Variants in HSPA4L observed in about 807,000 individuals in gnomAD.
HSPA4L encodes the protein heat shock protein family A (Hsp70) member 4 like, also known as heat shock 70 kDa protein 4L.
HSPA4L carries 48 observed loss-of-function variants against 100.3 expected under a neutral mutation model. The observed-to-expected ratio is 0.48, with a 90% CI of 0.38 to 0.61. HSPA4L has a LOEUF of 0.61. Ranked by LOEUF, HSPA4L falls within the 20% of genes least tolerant of loss-of-function variation. HSPA4L has a pLI of 0.00. For missense variants in HSPA4L, 886 were observed against 988.6 expected, an observed-to-expected ratio of 0.90 and a Z score of 1.39; for synonymous variants, 319 against 328.2, an observed-to-expected ratio of 0.97 and a Z score of 0.30.
At chr4:127,798,497 G>A (rs904869718) in intron 3 of HSPA4L, 90 bp from the exon 4 acceptor site, 16 of 1,260,946 alleles carry the variant, frequency 1.3e-5, no homozygotes, top group Admixed American at 2.1e-5. Flanking sequence ...TTTTCCCATT[G>A]TATGTCTATC....
Position 127,830,645 on chromosome 4 carries a change from G to C in HSPA4L, c.2174G>C (p.Arg725Thr). The change falls in exon 18 of 19, where the codon AGA becomes ACA. Residue 725 changes from arginine to threonine, a missense_variant. Coordinates refer to ENST00000296464, the MANE Select transcript of HSPA4L (RefSeq NM_014278.4). ...VIEAYRNKDE[R>T]YDHLDPTEME... ...CTTTTTTTTTTTAAATAGGATGAAA[G>C]ATATGATCATCTGGATCCTACTGAA... 1 of 1,576,704 alleles carries C rather than the reference G, an allele frequency of 6.3e-7. No homozygotes were observed. Among genetic ancestry groups the C allele is most frequent in the Non-Finnish European group, 8.6e-7 (1 of 1,167,852 alleles).
intron 1 of HSPA4L, among the ~76,000 whole-genome samples, chr4:127,792,065 T>C (rs1236246349): frequency 6.6e-6 from 1 of 152,186 alleles, no homozygotes; most frequent in Non-Finnish European, 1.5e-5. Flanking sequence ...AGCAGAACAG[T>C]GTTTTGTTCA....
In HSPA4L at chr4:127,805,639, T is replaced by C. The variant is rs1156382828; in HGVS notation, c.1138-48T>C. Reference sequence around the variant, plus strand: ...GCAGTTCAATCAGAGTAACCTAGGGTATGTTTTGTATTTGTTGATTTAAAT... The same window carrying C: ...GCAGTTCAATCAGAGTAACCTAGGGCATGTTTTGTATTTGTTGATTTAAAT... On this transcript the variant is annotated intron_variant, in intron 9 of 18. Transcript: ENST00000296464. 6 of 1,334,378 alleles carry C rather than the reference T, an allele frequency of 4.5e-6. No individual in the cohort carries two copies. In the Admixed American group the frequency reaches 1.0e-4, roughly 23 times the overall value. The allele number at this position is 1,334,378 out of a possible 1,614,324, so 82.7% of individuals were successfully genotyped here.
At chr4:127,782,793 G>C in intron 1 of HSPA4L, 136 bp downstream of exon 1, 1 of 622,356 alleles carries the variant, frequency 1.6e-6, no homozygotes, top group South Asian at 2.1e-5. Flanking sequence ...GGTGCAACCC[G>C]TCAACCGCAG....
At chr4:127,814,078 C>T (rs1004722281) in intron 12 of HSPA4L, among the ~76,000 whole-genome samples, 6 of 151,998 alleles carry the variant, frequency 3.9e-5, no homozygotes, top group African/African-American at 1.5e-4. Context: ...TTCTTATTTG[C>T]TGCTTCTGTT....
intron 16 of HSPA4L, among the ~76,000 whole-genome samples, chr4:127,824,972 TAA>T (rs889085672): frequency 6.6e-6 from 1 of 150,384 alleles, no homozygotes; most frequent in South Asian, 2.1e-4. Context: ...CTGTCTCTAC[TAA>T]AAAAAAATAC....
intron 18 of HSPA4L, among the ~76,000 whole-genome samples, chr4:127,832,250 G>A (rs1031068177): frequency 6.6e-6 from 1 of 151,892 alleles, no homozygotes; most frequent in Non-Finnish European, 1.5e-5. Flanking sequence ...AAAAAATGTC[G>A]TTTGTGTATG....
At chr4:127,823,224 C>T (rs1480436310) in intron 15 of HSPA4L, among the ~76,000 whole-genome samples, 2 of 152,160 alleles carry the variant, frequency 1.3e-5, no homozygotes, top group African/African-American at 4.8e-5. Context: ...TTTCAGCTCA[C>T]TGCAACTTCT....
At chr4:127,807,220 G>T (rs1733383915) in intron 10 of HSPA4L, among the ~76,000 whole-genome samples, 1 of 151,830 alleles carries the variant, frequency 6.6e-6, no homozygotes, top group South Asian at 2.1e-4. Flanking sequence ...ATTAAAGATT[G>T]GTTTCTGGGC....
rs2148780188 is a variant in HSPA4L at position 127,795,804 on chromosome 4, A to G, written c.202A>G (p.Lys68Glu). ...CGTAAGAAATACAATTCATGGCTTC[A>G]AAAAGCTTCATGGGCGATCATTTGA... The part of the protein sequence containing the change: ...TNVRNTIHGF[K>E]KLHGRSFDDP... The change falls in exon 3 of 19, where the codon AAA becomes GAA. Residue 68 changes from lysine (K) to glutamate (E), a missense_variant. Lys to Glu is a moderately conservative substitution (Grantham distance 56, BLOSUM62 1). Coordinates refer to ENST00000296464, the MANE Select transcript of HSPA4L (RefSeq NM_014278.4). The G allele has an allele frequency of 6.2e-7, 1 of 1,613,730 alleles. No individual in the cohort carries two copies. The highest frequency in any genetic ancestry group is 2.2e-5 in the East Asian group (1 of 44,848).
chr4:127,814,727 T>A (rs1733628311), intron 12 of HSPA4L, among the ~76,000 whole-genome samples: 1 of 152,108 alleles, frequency 6.6e-6, no homozygotes, highest in South Asian at 2.1e-4. Context: ...CCACCACGCC[T>A]GGCAGATTTT....
chr4:127,796,020 A>G, intron 3 of HSPA4L, 112 bp downstream of exon 3: 2 of 857,336 alleles, frequency 2.3e-6, no homozygotes, highest in Non-Finnish European at 3.5e-6. Context: ...GTACATACAC[A>G]CCGAAGAGAT....
Position 127,838,367 on chromosome 4 carries a change from G to GT in HSPA4L, c.*5494dup, listed in dbSNP as rs772923629. On this transcript the variant is annotated 3_prime_UTR_variant, in exon 19 of 19. Coordinates refer to ENST00000296464, the MANE Select transcript of HSPA4L (RefSeq NM_014278.4). ...AAGATACTTCCAACATATTGTTAGAGTAAGTATTAAAAGAAAAAGTAGGTT... is the reference window on the plus strand; with the variant it reads ...AAGATACTTCCAACATATTGTTAGAGTTAAGTATTAAAAGAAAAAGTAGGTT... 1 of 152,146 alleles carries GT rather than the reference G, an allele frequency of 6.6e-6. No individual in the cohort carries two copies. Among genetic ancestry groups the GT allele is most frequent in the Non-Finnish European group, 1.5e-5 (1 of 68,036 alleles). The allele number at this position is 152,146 out of a possible 1,614,324, so 9.4% of individuals were successfully genotyped here. A position where few individuals can be genotyped will look rare whatever the true frequency, so the allele number is the denominator to read the frequency against.
At chr4:127,811,681 T>C in intron 12 of HSPA4L, 45 bp downstream of exon 12, 1 of 1,371,430 alleles carries the variant, frequency 7.3e-7, no homozygotes, top group Non-Finnish European at 1.0e-6. Context: ...AGATAGTGTA[T>C]ACAGTATATC....
At chr4:127,827,574 TA>T in intron 17 of HSPA4L, 150 bp downstream of exon 17, 1 of 739,672 alleles carries the variant, frequency 1.4e-6, no homozygotes, top group South Asian at 2.6e-5. Flanking sequence ...CTTTTTTTTT[TA>T]TTGGAGAATT....
At chr4:127,822,713 T>G (rs1210740399) in intron 14 of HSPA4L, 56 bp from the exon 15 acceptor site, 1 of 1,566,724 alleles carries the variant, frequency 6.4e-7, no homozygotes, top group African/African-American at 1.4e-5. Flanking sequence ...GTGGTTTTGA[T>G]TTCTATTTCC....
intron 1 of HSPA4L, 132 bp from the exon 2 acceptor site, chr4:127,793,945 G>A (rs1732946277): frequency 5.6e-6 from 3 of 533,812 alleles, no homozygotes; most frequent in Non-Finnish European, 9.6e-6. Flanking sequence ...TTTTTGATTT[G>A]CATAACCTAT....
chr4:127,785,595 G>A (rs975262277), intron 1 of HSPA4L, among the ~76,000 whole-genome samples: 7 of 151,844 alleles, frequency 4.6e-5, no homozygotes, highest in Admixed American at 3.3e-4. Flanking sequence ...CGACCACCAC[G>A]CCTAGCTATT....
intron 1 of HSPA4L, among the ~76,000 whole-genome samples, chr4:127,787,836 T>A (rs530200791): frequency 1.3e-5 from 2 of 152,142 alleles, no homozygotes; most frequent in East Asian, 3.9e-4. Context: ...TGAACTGACT[T>A]CCTTAAGCAC....
Sources: allele counts gnomAD v4.1 joint callset (sites outside exome capture counted in the v4.1 genomes callset), GRCh38; gene constraint gnomAD v4.1.1; transcripts MANE v1.5; gene names NCBI Gene and HGNC (gene_info 2026-07-23, HGNC 2026-07-21).